ZNF148: variants seen among roughly 807,000 people sequenced by gnomAD.
ZNF148 encodes the protein Beta-Enolase Repressor Factor-1.
A neutral mutation model predicts 67.7 loss-of-function variants in ZNF148; 7 were observed. The observed-to-expected ratio is 0.10, with a 90% confidence interval of 0.06 to 0.19. ZNF148 has a LOEUF of 0.19. Ranked by LOEUF, ZNF148 falls within the 10% of genes least tolerant of loss-of-function variation. The pLI is 1.00. For missense variants in ZNF148, 583 were observed against 947.1 expected (o/e 0.62, Z 5.05); for synonymous variants, 333 against 330.7 (o/e 1.01, Z -0.08).
chr3:125,280,610 G>A (rs1039823911), intron 5 of ZNF148, among the ~76,000 whole-genome samples: 4 of 151,266 alleles, frequency 2.6e-5, no homozygotes, highest in East Asian at 1.9e-4. Context: ...TGGGCCAGGA[G>A]GTCAAGGCTG....
At chr3:125,267,157 T>C (rs1178530374) in intron 7 of ZNF148, among the ~76,000 whole-genome samples, 1 of 150,910 alleles carries the variant, frequency 6.6e-6, no homozygotes, top group Non-Finnish European at 1.5e-5. Flanking sequence ...GTACCAATCC[T>C]ACTGAAACCA....
At chr3:125,311,050 AC>A in intron 4 of ZNF148, 1 of 208,198 alleles carries the variant, frequency 4.8e-6, no homozygotes, top group Non-Finnish European at 1.0e-5. Flanking sequence ...CTATGATGAT[AC>A]AATACCACCT....
At chr3:125,339,681 T>G (rs1290650672) in intron 1 of ZNF148, among the ~76,000 whole-genome samples, 2 of 152,198 alleles carry the variant, frequency 1.3e-5, no homozygotes, top group Admixed American at 1.3e-4. Flanking sequence ...ATAATTGGAT[T>G]GTTGGTAATA....
intron 4 of ZNF148, among the ~76,000 whole-genome samples, chr3:125,308,165 A>G (rs943628134): frequency 2.0e-5 from 3 of 152,246 alleles, no homozygotes; most frequent in African/African-American, 7.2e-5. Context: ...AATCTACAAC[A>G]TAACTACTAT....
chr3:125,352,126 A>T (rs80298384), intron 1 of ZNF148, among the ~76,000 whole-genome samples: 1 of 48,010 alleles, frequency 2.1e-5, no homozygotes, highest in African/African-American at 8.3e-5. Flanking sequence ...CACAATGGCC[A>T]AAAAAAAAAA....
chr3:125,367,361 A>T (rs2107793273), intron 1 of ZNF148, among the ~76,000 whole-genome samples: 1 of 152,290 alleles, frequency 6.6e-6, no homozygotes, highest in East Asian at 1.9e-4. Flanking sequence ...TTTCTATCAG[A>T]TACCACCTTT....
intron 1 of ZNF148, among the ~76,000 whole-genome samples, chr3:125,350,161 G>T (rs957190634): frequency 3.3e-5 from 5 of 151,552 alleles, no homozygotes; most frequent in Middle Eastern, 3.4e-3. Context: ...ATGGGTTTTG[G>T]TTTTGTTTTG....
At chr3:125,313,707 T>C (rs113014898) in intron 3 of ZNF148, 51 bp from the exon 4 acceptor site, 6 of 1,349,568 alleles carry the variant, frequency 4.4e-6, no homozygotes, top group African/African-American at 2.9e-5. Flanking sequence ...TTTATATGAC[T>C]ACTTCATTTT....
chr3:125,331,315 C>T lies in ZNF148; in HGVS notation c.-233-77G>A, dbSNP rs1451925995. On this transcript the variant is annotated intron_variant, in intron 1 of 8. Transcript: ENST00000360647. ...ATAGTCTTAAAGAAGTCAGGTAAAA[C>T]TGTTACATTTAAGTGTCCTAAGTCT... is the stretch of plus-strand genomic sequence containing the variant. 4 of 397,526 alleles carry T rather than the reference C, an allele frequency of 1.0e-5. No homozygotes were observed. The East Asian group carries it at 1.4e-4, about 14-fold the overall frequency. 24.6% of individuals were successfully genotyped at this position (397,526 alleles called of 1,614,324 possible). A position where few individuals can be genotyped will look rare whatever the true frequency, so the allele number is the denominator to read the frequency against.
chr3:125,279,748 T>TA (rs397716651), intron 5 of ZNF148, among the ~76,000 whole-genome samples: 112,556 of 147,806 alleles, frequency 0.76, 43,046 homozygotes, highest in African/African-American at 0.84. Context: ...TTTGTTAAGT[T>TA]AAAAAAAAAA....
chr3:125,241,774 A>G (rs991758538), intron 7 of ZNF148, among the ~76,000 whole-genome samples: 10 of 152,240 alleles, frequency 6.6e-5, no homozygotes, highest in Admixed American at 3.3e-4. Flanking sequence ...AACACTCATA[A>G]AAAGAATTTC....
chr3:125,319,497 A>T (rs1333182347), intron 3 of ZNF148, among the ~76,000 whole-genome samples: 1 of 152,192 alleles, frequency 6.6e-6, no homozygotes, highest in Non-Finnish European at 1.5e-5. Context: ...TTGTTCTACA[A>T]GGGTCAATTA....
At chr3:125,268,258 CA>C (rs371575410) in intron 7 of ZNF148, among the ~76,000 whole-genome samples, 29 of 148,990 alleles carry the variant, frequency 1.9e-4, no homozygotes, top group African/African-American at 6.9e-4. Flanking sequence ...AAAACAGCCC[CA>C]AAAGCCAAAG....
chr3:125,306,404 A>G (rs1939878055), intron 4 of ZNF148, among the ~76,000 whole-genome samples: 1 of 152,112 alleles, frequency 6.6e-6, no homozygotes, highest in Non-Finnish European at 1.5e-5. Context: ...CAGTCTAATT[A>G]AGAAAAAGAA....
chr3:125,252,509 G>C (rs1224138326), intron 7 of ZNF148, among the ~76,000 whole-genome samples: 3 of 152,098 alleles, frequency 2.0e-5, no homozygotes. Flanking sequence ...TGCCAGGCCT[G>C]GTAGCTCACG....
intron 7 of ZNF148, among the ~76,000 whole-genome samples, chr3:125,266,623 A>C (rs916508562): frequency 3.9e-4 from 59 of 152,166 alleles, no homozygotes; most frequent in Non-Finnish European, 3.2e-4. Context: ...AAGAGGACAG[A>C]AAGATTTCAA....
intron 1 of ZNF148, chr3:125,357,404 CA>C: frequency 6.5e-6 from 1 of 153,284 alleles, no homozygotes; most frequent in Non-Finnish European, 1.5e-5. Context: ...GGGACACACA[CA>C]CACCCCCCAA....
At chr3:125,266,754 A>T (rs888105196) in intron 7 of ZNF148, among the ~76,000 whole-genome samples, 5 of 152,156 alleles carry the variant, frequency 3.3e-5, no homozygotes, top group Non-Finnish European at 5.9e-5. Flanking sequence ...CCATACAAAG[A>T]ATCAAAACAA....
intron 7 of ZNF148, among the ~76,000 whole-genome samples, chr3:125,275,217 A>G (rs1157375967): frequency 1.3e-5 from 2 of 152,198 alleles, no homozygotes; most frequent in Admixed American, 1.3e-4. Context: ...TCTCTTCAAA[A>G]GAACTTTTCT....
Sources: gnomAD v4.1 joint callset for allele counts (sites outside exome capture counted in the v4.1 genomes callset) on GRCh38, gnomAD v4.1.1 for gene constraint, MANE v1.5 for transcripts, NCBI Gene and HGNC (gene_info 2026-07-23, HGNC 2026-07-21) for gene names.